The following FBXO28 variants were observed in gnomAD, a reference collection of about 807,000 sequenced individuals.
The protein encoded by FBXO28 is F-box protein 28.
Under a neutral mutation model 38.1 loss-of-function variants are expected in FBXO28, and 8 were observed. That is an observed-to-expected ratio of 0.21 (90% CI 0.12 to 0.38). FBXO28 has a LOEUF of 0.38. Ranked by LOEUF, FBXO28 falls within the 10% of genes least tolerant of loss-of-function variation. FBXO28 has a pLI of 1.00. For missense variants in FBXO28, 345 were observed against 460.6 expected, an observed-to-expected ratio of 0.75 and a Z score of 2.30; for synonymous variants, 168 against 173.8, an observed-to-expected ratio of 0.97 and a Z score of 0.26.
At chr1:224,153,388 G>A (rs190003385) in intron 4 of FBXO28, 51 bp downstream of exon 4, 15 of 1,404,948 alleles carry the variant, frequency 1.1e-5, no homozygotes, top group South Asian at 7.7e-5. Flanking sequence ...ACTTGCTTCC[G>A]GTTTTTTTCC....
In FBXO28 at chr1:224,123,366, C is replaced by T. The variant is rs1656823602; in HGVS notation, c.268-7106C>T. Reference sequence around the variant, plus strand: ...TGAGGTGGGAGGATTGCCTGAGCCCCAGGGAGGTGGAAGCCTCAGTAAGCC... The same window carrying T: ...TGAGGTGGGAGGATTGCCTGAGCCCTAGGGAGGTGGAAGCCTCAGTAAGCC... On this transcript the variant is annotated intron_variant, in intron 1 of 4. Transcript: ENST00000366862. 2.9e-5 allele frequency among the ~76,000 whole-genome samples: 4 copies of T among 138,338 alleles called. No individual in the cohort carries two copies. In the Admixed American group the frequency reaches 3.4e-4, roughly 12 times the overall value. The allele number at this position is 138,338 out of a possible 152,430, so 90.8% of individuals were successfully genotyped here.
intron 2 of FBXO28, among the ~76,000 whole-genome samples, chr1:224,131,561 T>C (rs865814904): frequency 2.1e-4 from 32 of 152,186 alleles, no homozygotes; most frequent in African/African-American, 6.5e-4. Context: ...GTCAAGATAA[T>C]TCAATGCAGT....
At chr1:224,131,387 A>C (rs1032677428) in intron 2 of FBXO28, among the ~76,000 whole-genome samples, 1 of 152,162 alleles carries the variant, frequency 6.6e-6, no homozygotes, top group African/African-American at 2.4e-5. Flanking sequence ...AAAGGAGAGC[A>C]GTATTGGAAG....
chr1:224,139,879 G>A (rs999357934), intron 3 of FBXO28, among the ~76,000 whole-genome samples: 11 of 151,968 alleles, frequency 7.2e-5, no homozygotes, highest in East Asian at 3.9e-4. Flanking sequence ...GCTTGAAGCC[G>A]CCAGGAGTTC....
intron 2 of FBXO28, among the ~76,000 whole-genome samples, chr1:224,133,621 G>A (rs769753388): frequency 1.8e-4 from 28 of 152,000 alleles, no homozygotes; most frequent in Admixed American, 3.3e-4. Context: ...GGGTTCAAGC[G>A]AGTCTCCTGC....
intron 3 of FBXO28, among the ~76,000 whole-genome samples, chr1:224,149,926 A>G (rs1449772951): frequency 6.6e-6 from 1 of 152,236 alleles, no homozygotes; most frequent in East Asian, 1.9e-4. Flanking sequence ...CAGCATGTGC[A>G]AAAGCCCTGG....
chr1:224,120,321 T>C (rs1305668526), intron 1 of FBXO28, among the ~76,000 whole-genome samples: 1 of 152,222 alleles, frequency 6.6e-6, no homozygotes, highest in Non-Finnish European at 1.5e-5. Flanking sequence ...CCTGTTTCGC[T>C]CTCCTAGAAA....
intron 3 of FBXO28, among the ~76,000 whole-genome samples, chr1:224,147,854 C>A (rs548796547): frequency 4.1e-4 from 61 of 147,490 alleles, no homozygotes; most frequent in African/African-American, 1.3e-3. Context: ...AAGATTAAAT[C>A]TACTCAGAAA....
At chr1:224,138,246 C>G (rs1290909419) in intron 3 of FBXO28, among the ~76,000 whole-genome samples, 1 of 151,686 alleles carries the variant, frequency 6.6e-6, no homozygotes, top group Non-Finnish European at 1.5e-5. Flanking sequence ...AGAATTTAGA[C>G]AGGTTACAAG....
intron 1 of FBXO28, among the ~76,000 whole-genome samples, chr1:224,129,517 ATT>A (rs552373072): frequency 6.6e-6 from 1 of 152,078 alleles, no homozygotes. Context: ...CTAAAAAAGA[ATT>A]TTTTTTGTTT....
In FBXO28 at chr1:224,153,322, A is replaced by C. The variant is rs1572026582; in HGVS notation, c.697A>C (p.Met233Leu). The C allele has an allele frequency of 3.1e-6, 5 of 1,592,538 alleles. No individual in the cohort carries two copies. The East Asian group carries it at 9.0e-5, about 29-fold the overall frequency. ...LPGSDVSGRL[M>L]GSPPVPGPSA... The stretch of plus-strand genomic sequence containing the variant: ...AGGATCAGATGTTTCTGGAAGACTC[A>C]TGGGCTCTCCTCCAGGTATCTCTAC... Residue 233 changes from methionine to leucine, a missense_variant, in exon 4 of 5, where the codon ATG becomes CTG. Met to Leu is a conservative substitution (Grantham distance 15). This residue lies in a region of FBXO28 where 151 missense variants were observed against 188.3 expected (regional missense o/e 0.80). Transcript: ENST00000366862.
intron 3 of FBXO28, among the ~76,000 whole-genome samples, chr1:224,140,891 A>G (rs561522790): frequency 2.0e-5 from 3 of 151,486 alleles, no homozygotes; most frequent in African/African-American, 7.3e-5. Flanking sequence ...GGTTGCAGTG[A>G]GCCGAGATCG....
At chr1:224,134,032 G>A in intron 2 of FBXO28, 42 bp from the exon 3 acceptor site, 1 of 1,422,356 alleles carries the variant, frequency 7.0e-7, no homozygotes, top group African/African-American at 1.5e-5. Flanking sequence ...CCACAATACT[G>A]CTTTAATGGT....
Position 224,159,054 on chromosome 1 carries a change from C to T in FBXO28, c.*1308C>T, listed in dbSNP as rs545478752. Reference sequence around the variant, plus strand: ...CAAATTGTGTACAGTGGTTATTTTCCCCAGTTGTATAGTTTTGAGACATTC... The same window carrying T: ...CAAATTGTGTACAGTGGTTATTTTCTCCAGTTGTATAGTTTTGAGACATTC... On this transcript the variant is annotated 3_prime_UTR_variant, in exon 5 of 5. Coordinates refer to ENST00000366862, the MANE Select transcript of FBXO28 (RefSeq NM_015176.4). The T allele has an allele frequency of 2.0e-5, 3 of 152,506 alleles. No individual in the cohort carries two copies. The highest frequency in any genetic ancestry group is 3.9e-4 in the East Asian group (2 of 5,168). The allele number at this position is 152,506 out of a possible 1,614,324, so 9.4% of individuals were successfully genotyped here.
At chr1:224,130,320 C>T (rs1572011430) in intron 1 of FBXO28, 152 bp from the exon 2 acceptor site, 10 of 532,804 alleles carry the variant, frequency 1.9e-5, no homozygotes, top group South Asian at 9.3e-5. Context: ...CCAGCCTGGG[C>T]GACAGAGTGA....
intron 1 of FBXO28, among the ~76,000 whole-genome samples, chr1:224,126,204 A>G (rs1374436422): frequency 2.8e-4 from 1 of 3,548 alleles, no homozygotes; most frequent in African/African-American, 3.1e-4. Flanking sequence ...TCACCCAGCC[A>G]GTACTTAAAT....
At chr1:224,148,865 A>ATTACCG (rs1245765812) in intron 3 of FBXO28, among the ~76,000 whole-genome samples, 5 of 6,666 alleles carry the variant, frequency 7.5e-4, no homozygotes, top group Non-Finnish European at 1.4e-3. Flanking sequence ...TTACTTACTA[A>ATTACCG]TGTCCTTCAT....
chr1:224,119,438 C>G (rs1268419234), intron 1 of FBXO28, among the ~76,000 whole-genome samples: 2 of 151,838 alleles, frequency 1.3e-5, no homozygotes, highest in Admixed American at 1.3e-4. Context: ...TGCCCGGCCC[C>G]ACTGATTTTT....
rs181953158 is a variant in FBXO28, at chr1:224,148,347, T to C, written c.517-4795T>C. On this transcript the variant is annotated intron_variant, in intron 3 of 4. Coordinates refer to ENST00000366862, the MANE Select transcript of FBXO28 (RefSeq NM_015176.4). The stretch of plus-strand genomic sequence containing the variant: ...ATAAGTATCATGGAAAAAGACTAAT[T>C]GTATAATATATGTTAAGAAACGGCC... 2.3e-3 allele frequency among the ~76,000 whole-genome samples: 353 copies of C among 152,242 alleles called. 1 individual carries two copies. The highest frequency in any genetic ancestry group is 8.1e-3 in the African/African-American group (336 of 41,548).
Sources: allele counts gnomAD v4.1 joint callset (sites outside exome capture counted in the v4.1 genomes callset), GRCh38; gene constraint gnomAD v4.1.1; regional missense constraint gnomAD v4.1.1; transcripts MANE v1.5; gene names NCBI Gene and HGNC (gene_info 2026-07-23, HGNC 2026-07-21).